FLRT2: variants seen among roughly 807,000 people sequenced by gnomAD.
FLRT2 encodes fibronectin leucine rich transmembrane protein 2, also known as leucine-rich repeat transmembrane protein FLRT2.
In FLRT2, 15 loss-of-function variants were observed where a neutral mutation model predicts 40.0. The ratio of observed to expected loss-of-function variants is 0.38; its 90% CI spans 0.25 to 0.58. The LOEUF is 0.58. FLRT2 is among the 20% of genes least tolerant of loss of function. The probability of loss-of-function intolerance (pLI) is 0.71; values close to 1 mark genes in which losing one functional copy is unlikely to be tolerated. For synonymous variants in FLRT2, 380 were observed against 336.8 expected, an observed-to-expected ratio of 1.13 and a Z score of -1.41; for missense variants, 726 against 840.0, an observed-to-expected ratio of 0.86 and a Z score of 1.68.
rs33941284 is a variant in FLRT2 at position 85,592,138 on chromosome 14, C to CA, written c.-376-28993dup. Among the ~76,000 whole-genome samples the CA allele has an allele frequency of 1.4e-4, 21 of 151,404 alleles. No homozygotes were observed. In the East Asian group the frequency reaches 2.5e-3, roughly 18 times the overall value. ...TAAAACAGATGTGACAGGAAGAAAA[C>CA]AAAAAAAATATTTTATAAGTTTTTT... On this transcript the variant is annotated intron_variant, in intron 1 of 1. Coordinates refer to ENST00000330753, the MANE Select transcript of FLRT2 (RefSeq NM_013231.6).
intron 1 of FLRT2, among the ~76,000 whole-genome samples, chr14:85,590,515 T>G (rs747362946): frequency 2.0e-5 from 3 of 152,204 alleles, no homozygotes; most frequent in Non-Finnish European, 4.4e-5. Flanking sequence ...TAGAGATCCA[T>G]GTATTGTGAA....
rs1387477191 is a variant in FLRT2, at chr14:85,623,393, A to G, written c.1879A>G (p.Ile627Val). The G allele has an allele frequency of 6.6e-7, 1 of 1,514,816 alleles. No individual in the cohort carries two copies. Among genetic ancestry groups the G allele is most frequent in the Non-Finnish European group, 8.8e-7 (1 of 1,134,524 alleles). 93.8% of individuals were successfully genotyped at this position (1,514,816 alleles called of 1,614,324 possible). A position where few individuals can be genotyped will look rare whatever the true frequency, so the allele number is the denominator to read the frequency against. ...LLKGDFRLQP[I>V]YTPNGGINYT... ...TAAAGGAGATTTCAGACTGCAGCCCATTTACACCCCAAATGGGGGCATTAA... is the reference window on the plus strand; with the variant it reads ...TAAAGGAGATTTCAGACTGCAGCCCGTTTACACCCCAAATGGGGGCATTAA... Residue 627 changes from isoleucine (I) to valine (V), a missense_variant, in exon 2 of 2, where the codon ATT (isoleucine) becomes GTT (valine). This residue lies in a region of FLRT2 where 611 missense variants were observed against 690.0 expected (regional missense o/e 0.89). Transcript: ENST00000330753.
chr14:85,641,839 T>C lies in FLRT2; in HGVS notation c.*18342T>C, dbSNP rs1594977704. The C allele has an allele frequency of 6.7e-6, 1 of 149,428 alleles. No individual in the cohort carries two copies. Among genetic ancestry groups the C allele is most frequent in the South Asian group, 2.2e-4 (1 of 4,588 alleles). 9.3% of individuals were successfully genotyped at this position (149,428 alleles called of 1,614,324 possible). A position where few individuals can be genotyped will look rare whatever the true frequency, so the allele number is the denominator to read the frequency against. On this transcript the variant is annotated 3_prime_UTR_variant, in exon 2 of 2. Transcript: ENST00000330753. ...TTATTCATGCATAATGGATCACTGA[T>C]AATTTTTGGCTTGCAATGAGAAAAA...
chr14:85,643,036 A>G lies in FLRT2; in HGVS notation c.*19539A>G, dbSNP rs1327484956. 1 of 152,152 alleles carries G rather than the reference A, an allele frequency of 6.6e-6. No individual in the cohort carries two copies. Among genetic ancestry groups the G allele is most frequent in the African/African-American group, 2.4e-5 (1 of 41,448 alleles). The allele number at this position is 152,152 out of a possible 1,614,324, so 9.4% of individuals were successfully genotyped here. A position where few individuals can be genotyped will look rare whatever the true frequency, so the allele number is the denominator to read the frequency against. ...TTGAGTTGTAAACAACTGCCCTCAG[A>G]AGGCTCTCTCCTGTCTCTTTTTATT... On this transcript the variant is annotated 3_prime_UTR_variant, in exon 2 of 2. Transcript: ENST00000330753.
chr14:85,609,825 C>T (rs1238432525), intron 1 of FLRT2, among the ~76,000 whole-genome samples: 2 of 152,190 alleles, frequency 1.3e-5, no homozygotes, highest in East Asian at 1.9e-4. Context: ...AACTCTATTG[C>T]ACTAGTAACT....
chr14:85,612,104 C>T (rs1595085142), intron 1 of FLRT2, among the ~76,000 whole-genome samples: 1 of 144,778 alleles, frequency 6.9e-6, no homozygotes, highest in African/African-American at 2.6e-5. Context: ...ATTGTGTGCA[C>T]CTGAGTTTTT....
Position 85,626,732 on chromosome 14 carries a change from C to T in FLRT2, c.*3235C>T, listed in dbSNP as rs1893698621. The T allele has an allele frequency of 6.0e-6, 1 of 167,052 alleles. No individual in the cohort carries two copies. Among genetic ancestry groups the T allele is most frequent in the African/African-American group, 2.4e-5 (1 of 41,442 alleles). 10.3% of individuals were successfully genotyped at this position (167,052 alleles called of 1,614,324 possible). A position where few individuals can be genotyped will look rare whatever the true frequency, so the allele number is the denominator to read the frequency against. ...TTGTGTAACAAATGGAAAACATTCT[C>T]CCCTGTGAGAAATAATGCAATTTCT... On this transcript the variant is annotated 3_prime_UTR_variant, in exon 2 of 2. Coordinates refer to ENST00000330753, the MANE Select transcript of FLRT2 (RefSeq NM_013231.6).
At chr14:85,553,774 G>T (rs1889788859) in intron 1 of FLRT2, among the ~76,000 whole-genome samples, 2 of 152,144 alleles carry the variant, frequency 1.3e-5, no homozygotes, top group Non-Finnish European at 2.9e-5. Flanking sequence ...TTTTGTTGTT[G>T]TTTTTAGTTT....
intron 1 of FLRT2, among the ~76,000 whole-genome samples, chr14:85,582,838 G>A (rs1320712735): frequency 6.6e-6 from 1 of 151,688 alleles, no homozygotes; most frequent in East Asian, 1.9e-4. Context: ...TAGCAGAAAG[G>A]ACCTCATTTT....
chr14:85,556,243 A>G (rs1363413528), intron 1 of FLRT2, among the ~76,000 whole-genome samples: 1 of 152,182 alleles, frequency 6.6e-6, no homozygotes, highest in Non-Finnish European at 1.5e-5. Context: ...ATAAGCTTAT[A>G]GGGGTATATG....
At position 85,646,744 on chromosome 14, in the gene FLRT2, G is replaced by A. The variant is rs1211254056; in HGVS notation, c.*23247G>A. On this transcript the variant is annotated 3_prime_UTR_variant, in exon 2 of 2. Transcript: ENST00000330753. Reference sequence around the variant, plus strand: ...GAATTCTCCTGCCTTAGCCTCTCGAGTAGATGAGATTGCAGGTGCCCACCA... The same window carrying A: ...GAATTCTCCTGCCTTAGCCTCTCGAATAGATGAGATTGCAGGTGCCCACCA... 2.0e-5 allele frequency: 3 copies of A among 152,180 alleles called. No individual in the cohort carries two copies. Among genetic ancestry groups the A allele is most frequent in the Non-Finnish European group, 4.4e-5 (3 of 68,080 alleles). The allele number at this position is 152,180 out of a possible 1,614,324, so 9.4% of individuals were successfully genotyped here.
intron 1 of FLRT2, among the ~76,000 whole-genome samples, chr14:85,561,837 G>A (rs1005820450): frequency 1.3e-5 from 2 of 152,112 alleles, no homozygotes; most frequent in African/African-American, 2.4e-5. Context: ...AGATAGCCCC[G>A]GTCTTTGGTA....
At chr14:85,592,139 A>C (rs1032140639) in intron 1 of FLRT2, among the ~76,000 whole-genome samples, 1 of 74,500 alleles carries the variant, frequency 1.3e-5, no homozygotes, top group Non-Finnish European at 2.8e-5. Flanking sequence ...GGAAGAAAAC[A>C]AAAAAAATAT....
intron 1 of FLRT2, among the ~76,000 whole-genome samples, chr14:85,603,632 G>T (rs931553335): frequency 6.6e-6 from 1 of 152,110 alleles, no homozygotes; most frequent in African/African-American, 2.4e-5. Flanking sequence ...CATTTTGGGA[G>T]GCTGGGCGGG....
intron 1 of FLRT2, among the ~76,000 whole-genome samples, chr14:85,558,023 A>ATAGACTTCCGTAGAAAGCATCTG (rs1566726500): frequency 2.6e-5 from 4 of 152,142 alleles, no homozygotes; most frequent in African/African-American, 9.7e-5. Flanking sequence ...GAAAGCATCC[A>ATAGACTTCCGTAGAAAGCATCTG]TAGACTTCCG....
chr14:85,589,592 G>A (rs973499494), intron 1 of FLRT2, among the ~76,000 whole-genome samples: 7 of 151,572 alleles, frequency 4.6e-5, no homozygotes, highest in African/African-American at 1.7e-4. Flanking sequence ...TGTTTCCTTT[G>A]CTGTGCAGAA....
intron 1 of FLRT2, among the ~76,000 whole-genome samples, chr14:85,557,236 A>G (rs941402507): frequency 6.7e-6 from 1 of 148,682 alleles, no homozygotes; most frequent in Non-Finnish European, 1.5e-5. Context: ...CTTAAAAAAC[A>G]TGACTAATTT....
At chr14:85,535,681 C>G (rs908373667) in intron 1 of FLRT2, among the ~76,000 whole-genome samples, 1 of 147,692 alleles carries the variant, frequency 6.8e-6, no homozygotes, top group East Asian at 2.0e-4. Flanking sequence ...TAGGGTTAAA[C>G]CATTTAGGGA....
chr14:85,610,477 T>C (rs1415778993), intron 1 of FLRT2, among the ~76,000 whole-genome samples: 1 of 152,228 alleles, frequency 6.6e-6, no homozygotes, highest in East Asian at 1.9e-4. Flanking sequence ...GCCGTGAGAA[T>C]AGAATCTAAA....
Sources: gnomAD v4.1 joint callset for allele counts (sites outside exome capture counted in the v4.1 genomes callset) on GRCh38, gnomAD v4.1.1 for gene constraint, gnomAD v4.1.1 regional missense constraint, MANE v1.5 for transcripts, NCBI Gene and HGNC (gene_info 2026-07-23, HGNC 2026-07-21) for gene names.